AQR: variants seen among roughly 807,000 people sequenced by gnomAD.
AQR encodes the protein RNA helicase aquarius.
A neutral mutation model predicts 180.5 loss-of-function variants in AQR; 61 were observed. The observed-to-expected ratio is 0.34, with a 90% CI of 0.28 to 0.42. The LOEUF is 0.42. Ranked by LOEUF, AQR falls within the 10% of genes least tolerant of loss-of-function variation. The pLI, the probability that AQR is intolerant of heterozygous loss-of-function variation, is 1.00. For missense variants in AQR, 1,281 were observed against 1,798.3 expected (o/e 0.71, Z 5.20); for synonymous variants, 551 against 588.8 (o/e 0.94, Z 0.93).
At chr15:34,932,800 C>G (rs1279198747) in intron 10 of AQR, among the ~76,000 whole-genome samples, 4 of 152,004 alleles carry the variant, frequency 2.6e-5, no homozygotes, top group Non-Finnish European at 4.4e-5. Context: ...ACTAAGAATA[C>G]AAAAACTAGC....
At chr15:34,942,805 T>C (rs1464002914) in intron 6 of AQR, among the ~76,000 whole-genome samples, 3 of 152,198 alleles carry the variant, frequency 2.0e-5, no homozygotes, top group Non-Finnish European at 4.4e-5. Context: ...GGAGTAATGG[T>C]TCAGCATTAG....
chr15:34,917,820 TAA>T (rs35092979), intron 15 of AQR, among the ~76,000 whole-genome samples: 6 of 125,744 alleles, frequency 4.8e-5, no homozygotes, highest in Non-Finnish European at 8.2e-5. Context: ...TTGTCTCTAC[TAA>T]AAAAAAAAAA....
chr15:34,968,909 C>A (rs554071634), intron 1 of AQR, among the ~76,000 whole-genome samples: 1 of 152,202 alleles, frequency 6.6e-6, no homozygotes. Context: ...ACTACTTACA[C>A]TCTTATGCAA....
At chr15:34,965,166 T>C (rs2050303854) in intron 1 of AQR, among the ~76,000 whole-genome samples, 1 of 152,238 alleles carries the variant, frequency 6.6e-6, no homozygotes, top group Non-Finnish European at 1.5e-5. Flanking sequence ...TATAACTCTT[T>C]ATAATCTTAC....
chr15:34,928,901 T>C (rs74215427), intron 12 of AQR, among the ~76,000 whole-genome samples: 18,911 of 152,194 alleles, frequency 0.12, 1,407 homozygotes, highest in East Asian at 0.3. Context: ...AGAGATGGTA[T>C]GGTATCTCAC....
At chr15:34,968,231 A>AAAAGGAAGG (rs1298965569) in intron 1 of AQR, among the ~76,000 whole-genome samples, 1 of 148,388 alleles carries the variant, frequency 6.7e-6, no homozygotes, top group African/African-American at 2.5e-5. Flanking sequence ...TTGAAAGAAG[A>AAAAGGAAGG]AAAGGAAGGA....
chr15:34,886,214 T>A (rs1228183857), intron 25 of AQR, among the ~76,000 whole-genome samples: 1 of 152,148 alleles, frequency 6.6e-6, no homozygotes, highest in Admixed American at 6.5e-5. Flanking sequence ...GCTAGAATAT[T>A]TATTTAGTTG....
At chr15:34,897,482 A>AT in intron 21 of AQR, 77 bp downstream of exon 21, 1 of 1,531,558 alleles carries the variant, frequency 6.5e-7, no homozygotes, top group South Asian at 1.2e-5. Context: ...GAAACAGAAA[A>AT]TTTAAAAACA....
chr15:34,887,504 A>C (rs1893080707), intron 24 of AQR, among the ~76,000 whole-genome samples: 1 of 152,226 alleles, frequency 6.6e-6, no homozygotes, highest in Admixed American at 6.5e-5. Context: ...GCAGGTTCTT[A>C]ATGTTTGCTG....
intron 19 of AQR, among the ~76,000 whole-genome samples, chr15:34,902,605 T>C (rs1893348342): frequency 6.6e-6 from 1 of 152,152 alleles, no homozygotes; most frequent in Admixed American, 6.5e-5. Flanking sequence ...GTAAGTTGTG[T>C]CTGATTCATC....
chr15:34,948,777 AC>A (rs1894168988), intron 4 of AQR, among the ~76,000 whole-genome samples: 3 of 151,092 alleles, frequency 2.0e-5, no homozygotes, highest in South Asian at 4.2e-4. Context: ...AGCCTGGCCA[AC>A]AGAGCTAGAC....
intron 4 of AQR, among the ~76,000 whole-genome samples, 171 bp from the exon 5 acceptor site, chr15:34,948,555 G>A (rs1032386103): frequency 1.3e-5 from 2 of 152,072 alleles, no homozygotes; most frequent in African/African-American, 4.8e-5. Context: ...TGTAATCCCA[G>A]CACTTTGGGA....
At chr15:34,916,865 C>T (rs1893598162) in intron 15 of AQR, among the ~76,000 whole-genome samples, 3 of 115,428 alleles carry the variant, frequency 2.6e-5, no homozygotes, top group Admixed American at 1.0e-4. Flanking sequence ...TCAAACAACT[C>T]AAGTTCTTCA....
intron 13 of AQR, among the ~76,000 whole-genome samples, chr15:34,923,932 T>C (rs1893718385): frequency 6.6e-6 from 1 of 152,246 alleles, no homozygotes; most frequent in South Asian, 2.1e-4. Flanking sequence ...TTAAAATAAG[T>C]TTGTCAATTT....
At chr15:34,959,014 T>C (rs1398898873) in intron 3 of AQR, among the ~76,000 whole-genome samples, 1 of 145,904 alleles carries the variant, frequency 6.9e-6, no homozygotes, top group Non-Finnish European at 1.5e-5. Context: ...GATATAGATA[T>C]AGATATAGAT....
At chr15:34,901,732 C>A (rs956157094) in intron 19 of AQR, among the ~76,000 whole-genome samples, 1 of 152,170 alleles carries the variant, frequency 6.6e-6, no homozygotes, top group Admixed American at 6.5e-5. Flanking sequence ...TTACCAGTAC[C>A]TGACATTCTC....
Position 34,930,296 on chromosome 15 carries a change from T to C in AQR, c.976A>G (p.Met326Val). ...ATTCTATCATAGTGAATTGTGGTCATCTCATTCTCTGTCAGAGCATTTCCA... is the reference window on the plus strand; with the variant it reads ...ATTCTATCATAGTGAATTGTGGTCACCTCATTCTCTGTCAGAGCATTTCCA... The part of the protein sequence containing the change: ...QTGNALTENE[M>V]TTIHYDRITS... Residue 326 changes from methionine to valine, a missense_variant, in exon 12 of 35, where the codon ATG becomes GTG. By Grantham distance (21) the Met-to-Val change is conservative. Coordinates refer to ENST00000156471, the MANE Select transcript of AQR (RefSeq NM_014691.3). The C allele has an allele frequency of 1.2e-6, 2 of 1,609,458 alleles. No homozygotes were observed. Among genetic ancestry groups the C allele is most frequent in the Non-Finnish European group, 1.7e-6 (2 of 1,176,622 alleles).
At chr15:34,948,192 TA>T (rs1894157923) in intron 5 of AQR, 71 bp downstream of exon 5, 2 of 1,540,908 alleles carry the variant, frequency 1.3e-6, no homozygotes, top group Non-Finnish European at 1.8e-6. Flanking sequence ...CCACTATCAG[TA>T]AAAGTTCTGC....
In AQR at chr15:34,915,047, A is replaced by G. The variant is rs1163456817; in HGVS notation, c.1475T>C (p.Met492Thr). Residue 492 changes from methionine to threonine, a missense_variant, in exon 16 of 35, where the codon ATG (methionine) becomes ACG (threonine). By Grantham distance (81) the Met-to-Thr change is moderately conservative. Around this residue, in one of 9 missense-constraint regions of AQR, gnomAD observed 200 missense variants for 293.4 expected, o/e 0.68. Coordinates refer to ENST00000156471, the MANE Select transcript of AQR (RefSeq NM_014691.3). ...GAACCAATTTACTAACCATGGCTTCATTCTGCTGACACTATCTTCAATGTC... is the reference window on the plus strand; with the variant it reads ...GAACCAATTTACTAACCATGGCTTCGTTCTGCTGACACTATCTTCAATGTC... Reference protein sequence around the residue: ...RQDIEDSVSRMKPWQSEYGGV... With the variant: ...RQDIEDSVSRTKPWQSEYGGV... The G allele has an allele frequency of 6.2e-7, 1 of 1,603,566 alleles. No individual in the cohort carries two copies. The highest frequency in any genetic ancestry group is 1.7e-5 in the Admixed American group (1 of 57,246).
Sources: gnomAD v4.1 joint callset for allele counts (sites outside exome capture counted in the v4.1 genomes callset) on GRCh38, gnomAD v4.1.1 for gene constraint, gnomAD v4.1.1 regional missense constraint, MANE v1.5 for transcripts, NCBI Gene and HGNC (gene_info 2026-07-23, HGNC 2026-07-21) for gene names.